Variants in MED12L observed in about 807,000 individuals in gnomAD.
MED12L encodes mediator complex subunit 12L, also known as mediator of RNA polymerase II transcription subunit 12-like protein.
In MED12L, 60 loss-of-function variants were observed where a neutral mutation model predicts 281.3. The observed-to-expected ratio is 0.21, with a 90% confidence interval of 0.17 to 0.26. The LOEUF (loss-of-function observed/expected upper bound fraction) is 0.26. Among genes scored for constraint, MED12L ranks in the 10% least tolerant of loss-of-function variants. MED12L has a pLI of 1.00. For missense variants in MED12L, 2,146 were observed against 2,680.9 expected, an observed-to-expected ratio of 0.80 and a Z score of 4.41; for synonymous variants, 974 against 987.2, an observed-to-expected ratio of 0.99 and a Z score of 0.25.
chr3:151,402,941 C>G (rs1715862328), intron 39 of MED12L, among the ~76,000 whole-genome samples: 1 of 152,082 alleles, frequency 6.6e-6, no homozygotes, highest in Non-Finnish European at 1.5e-5. Context: ...TTCTGTAACT[C>G]TGCTGTCTCC....
At chr3:151,247,205 C>A (rs554522737) in intron 16 of MED12L, among the ~76,000 whole-genome samples, 2 of 151,934 alleles carry the variant, frequency 1.3e-5, no homozygotes, top group African/African-American at 4.8e-5. Context: ...GTCAGTGTGG[C>A]GATTCCTCAG....
intron 16 of MED12L, among the ~76,000 whole-genome samples, chr3:151,225,746 A>G (rs1157462247): frequency 6.6e-6 from 1 of 151,558 alleles, no homozygotes. Flanking sequence ...GAACTCTCCC[A>G]CCCCCTATCT....
At chr3:151,418,897 T>C (rs1284276616) in intron 43 of MED12L, among the ~76,000 whole-genome samples, 1 of 152,240 alleles carries the variant, frequency 6.6e-6, no homozygotes, top group Non-Finnish European at 1.5e-5. Flanking sequence ...TTTGTACATA[T>C]TTATGTACAG....
At chr3:151,127,132 C>G (rs1328557140) in intron 4 of MED12L, among the ~76,000 whole-genome samples, 1 of 152,198 alleles carries the variant, frequency 6.6e-6, no homozygotes, top group Non-Finnish European at 1.5e-5. Context: ...TTAACTCTTT[C>G]AAACCATTCA....
intron 16 of MED12L, among the ~76,000 whole-genome samples, chr3:151,228,255 A>G (rs1010566190): frequency 1.3e-5 from 2 of 152,152 alleles, no homozygotes; most frequent in African/African-American, 4.8e-5. Flanking sequence ...TATTGCGATA[A>G]TTATTAACTG....
chr3:151,198,574 C>T (rs1365217915), intron 16 of MED12L: 2 of 1,614,012 alleles, frequency 1.2e-6, no homozygotes, highest in Non-Finnish European at 1.7e-6. Flanking sequence ...CAGCCAGGAG[C>T]AGTGTAGCCT....
At chr3:151,209,106 T>C (rs1024352981) in intron 16 of MED12L, among the ~76,000 whole-genome samples, 2 of 152,154 alleles carry the variant, frequency 1.3e-5, no homozygotes, top group African/African-American at 2.4e-5. Flanking sequence ...TAACAAGTAG[T>C]CTTATAAGTT....
chr3:151,120,151 A>G (rs1239674990), intron 3 of MED12L, among the ~76,000 whole-genome samples: 2 of 151,652 alleles, frequency 1.3e-5, no homozygotes, highest in African/African-American at 4.8e-5. Flanking sequence ...GCTTGATCCC[A>G]GGAGGCAGAG....
chr3:151,187,512 A>G (rs6772543), intron 12 of MED12L, among the ~76,000 whole-genome samples: 1 of 152,198 alleles, frequency 6.6e-6, no homozygotes, highest in East Asian at 1.9e-4. Context: ...GAGAAAATAG[A>G]TTGGAAAAAT....
At chr3:151,301,173 A>C (rs1214673422) in intron 16 of MED12L, among the ~76,000 whole-genome samples, 1 of 152,146 alleles carries the variant, frequency 6.6e-6, no homozygotes, top group Non-Finnish European at 1.5e-5. Flanking sequence ...ATTATTTTTT[A>C]ATGTAAGGCA....
intron 16 of MED12L, among the ~76,000 whole-genome samples, chr3:151,199,991 C>CA (rs768550322): frequency 6.6e-6 from 1 of 151,950 alleles, no homozygotes; most frequent in Admixed American, 6.6e-5. Context: ...AAAAAACAAA[C>CA]AAAAAAACCC....
At chr3:151,195,867 C>T (rs150383491) in intron 16 of MED12L, among the ~76,000 whole-genome samples, 23 of 152,180 alleles carry the variant, frequency 1.5e-4, no homozygotes, top group African/African-American at 3.4e-4. Context: ...CTCTGTAAAT[C>T]GGAAATTACT....
intron 5 of MED12L, among the ~76,000 whole-genome samples, chr3:151,140,265 T>C (rs1716731030): frequency 1.3e-5 from 2 of 152,304 alleles, no homozygotes; most frequent in Admixed American, 1.3e-4. Flanking sequence ...TAACGTAAAA[T>C]AACATAAAAT....
chr3:151,395,765 C>T (rs755359705), intron 39 of MED12L, among the ~76,000 whole-genome samples: 39 of 152,200 alleles, frequency 2.6e-4, no homozygotes, highest in Non-Finnish European at 4.1e-4. Context: ...ATGGAAATAG[C>T]GAATCTACAG....
At chr3:151,261,258 A>G (rs1285266099) in intron 16 of MED12L, 1 of 152,170 alleles carries the variant, frequency 6.6e-6, no homozygotes, top group African/African-American at 2.4e-5. Flanking sequence ...AAAAACCCCA[A>G]AAGGCAGAGG....
intron 16 of MED12L, among the ~76,000 whole-genome samples, chr3:151,242,536 A>G (rs1053798753): frequency 2.0e-5 from 3 of 152,170 alleles, no homozygotes; most frequent in Non-Finnish European, 4.4e-5. Flanking sequence ...GGGTATTCCA[A>G]CAGACCTGCA....
At chr3:151,136,509 A>G (rs1463473839) in intron 5 of MED12L, among the ~76,000 whole-genome samples, 1 of 152,228 alleles carries the variant, frequency 6.6e-6, no homozygotes. Flanking sequence ...TTAGGCATGA[A>G]AAATAGGTTT....
intron 16 of MED12L, among the ~76,000 whole-genome samples, chr3:151,287,445 A>G (rs940453668): frequency 6.6e-6 from 1 of 152,152 alleles, no homozygotes; most frequent in Admixed American, 6.5e-5. Flanking sequence ...GTTAATGGGA[A>G]TGAAGAAAAG....
At position 151,367,700 on chromosome 3, in the gene MED12L, G is replaced by A; in HGVS notation, c.3382G>A (p.Ala1128Thr). The change falls in exon 24 of 45, where the codon GCA becomes ACA. Residue 1128 changes from alanine (A) to threonine (T), a missense_variant. This residue lies in a region of MED12L where 404 missense variants were observed against 603.5 expected (regional missense o/e 0.67). Transcript: ENST00000687756. ...AGCTACTTTCATTGCTATTCTGATA[G>A]CACGACAGTGTTTTTCCCTGGAGGA... ...SLATFIAILI[A>T]RQCFSLEDVV... 1.2e-6 allele frequency: 2 copies of A among 1,611,610 alleles called. No individual in the cohort carries two copies. Among genetic ancestry groups the A allele is most frequent in the Non-Finnish European group, 1.7e-6 (2 of 1,178,488 alleles).
Sources: allele counts gnomAD v4.1 joint callset (sites outside exome capture counted in the v4.1 genomes callset), GRCh38; gene constraint gnomAD v4.1.1; regional missense constraint gnomAD v4.1.1; transcripts MANE v1.5; gene names NCBI Gene and HGNC (gene_info 2026-07-23, HGNC 2026-07-21).